The following NHEJ1 variants were observed in gnomAD, a reference collection of about 807,000 sequenced individuals.
The protein encoded by NHEJ1 is non-homologous end joining factor 1, also known as non-homologous end-joining factor 1.
Under a neutral mutation model 39.4 loss-of-function variants are expected in NHEJ1, and 22 were observed. The ratio of observed to expected loss-of-function variants is 0.56; its 90% CI spans 0.40 to 0.80. NHEJ1 has a LOEUF of 0.80. Ranked by LOEUF, NHEJ1 falls within the 30% of genes least tolerant of loss-of-function variation. The pLI is 0.00. For missense variants in NHEJ1, 329 were observed against 357.1 expected, an observed-to-expected ratio of 0.92 and a Z score of 0.63; for synonymous variants, 154 against 135.6, an observed-to-expected ratio of 1.14 and a Z score of -0.94.
At chr2:219,149,901 G>A (rs1949779343) in intron 3 of NHEJ1, among the ~76,000 whole-genome samples, 1 of 152,174 alleles carries the variant, frequency 6.6e-6, no homozygotes, top group African/African-American at 2.4e-5. Flanking sequence ...TGTTCCAACC[G>A]AGCTTTACAA....
At chr2:219,080,663 A>AT in intron 5 of NHEJ1, among the ~76,000 whole-genome samples, 1 of 81,030 alleles carries the variant, frequency 1.2e-5, no homozygotes, top group Admixed American at 1.1e-4. Context: ...TAATATATAT[A>AT]AGCTTTTATA....
intron 5 of NHEJ1, among the ~76,000 whole-genome samples, chr2:219,121,770 G>A (rs886718219): frequency 6.6e-6 from 1 of 151,382 alleles, no homozygotes; most frequent in African/African-American, 2.4e-5. Context: ...AGGCTGCAGT[G>A]AGCCCTGATT....
chr2:219,152,933 G>C (rs1402375655), intron 3 of NHEJ1, among the ~76,000 whole-genome samples: 2 of 151,954 alleles, frequency 1.3e-5, no homozygotes, highest in African/African-American at 4.8e-5. Context: ...CTCCTGAGCA[G>C]CTGAGATTAC....
chr2:219,076,137 T>A lies in NHEJ1; in HGVS notation c.*244A>T. On this transcript the variant is annotated 3_prime_UTR_variant, in exon 8 of 8. Coordinates refer to ENST00000356853, the MANE Select transcript of NHEJ1 (RefSeq NM_024782.3). ...ATACCTAAAGTCCATGGTAGAAACCTGAACCTACAGAACCTCCACCAAAAG... is the reference window on the plus strand; with the variant it reads ...ATACCTAAAGTCCATGGTAGAAACCAGAACCTACAGAACCTCCACCAAAAG... 1.3e-6 allele frequency: 1 copy of A among 786,004 alleles called. No homozygotes were observed. Among genetic ancestry groups the A allele is most frequent in the South Asian group, 1.9e-5 (1 of 52,586 alleles). 48.7% of individuals were successfully genotyped at this position (786,004 alleles called of 1,614,324 possible).
chr2:219,075,327 T>G lies in NHEJ1; in HGVS notation c.*1054A>C. 1 of 152,226 alleles carries G rather than the reference T, an allele frequency of 6.6e-6. No homozygotes were observed. Among genetic ancestry groups the G allele is most frequent in the East Asian group, 1.9e-4 (1 of 5,202 alleles). The allele number at this position is 152,226 out of a possible 1,614,324, so 9.4% of individuals were successfully genotyped here. A position where few individuals can be genotyped will look rare whatever the true frequency, so the allele number is the denominator to read the frequency against. Reference sequence around the variant, plus strand: ...AATAAATGTTAGCTATTTATTATTGTTGTTCTTATTATAATTATTTTATTA... The same window carrying G: ...AATAAATGTTAGCTATTTATTATTGGTGTTCTTATTATAATTATTTTATTA... On this transcript the variant is annotated 3_prime_UTR_variant, in exon 8 of 8. Transcript: ENST00000356853.
At chr2:219,142,600 T>C (rs1019000984) in intron 5 of NHEJ1, among the ~76,000 whole-genome samples, 16 of 152,222 alleles carry the variant, frequency 1.1e-4, no homozygotes, top group Admixed American at 9.8e-4. Flanking sequence ...GAGCGAGGCA[T>C]GGACAGGGCC....
chr2:219,139,761 C>T (rs1444011608), intron 5 of NHEJ1, among the ~76,000 whole-genome samples: 1 of 152,140 alleles, frequency 6.6e-6, no homozygotes, highest in African/African-American at 2.4e-5. Context: ...ACTGCAAGCT[C>T]TGAGACCTCC....
chr2:219,089,101 G>A (rs1243760523), intron 5 of NHEJ1, among the ~76,000 whole-genome samples: 1 of 152,168 alleles, frequency 6.6e-6, no homozygotes, highest in Non-Finnish European at 1.5e-5. Flanking sequence ...TTACAGGCAT[G>A]AGCCATTGCG....
intron 5 of NHEJ1, among the ~76,000 whole-genome samples, chr2:219,135,858 T>C (rs532347034): frequency 6.6e-6 from 1 of 152,278 alleles, no homozygotes; most frequent in South Asian, 2.1e-4. Context: ...GAGAGACTAA[T>C]GGTGGATTTG....
At chr2:219,146,848 T>A in intron 4 of NHEJ1, 110 bp from the exon 5 acceptor site, 1 of 842,378 alleles carries the variant, frequency 1.2e-6, no homozygotes, top group Non-Finnish European at 2.0e-6. Flanking sequence ...GGAAGGTGCA[T>A]CATGCAGAGA....
At chr2:219,128,477 A>G (rs989243158) in intron 5 of NHEJ1, among the ~76,000 whole-genome samples, 4 of 152,202 alleles carry the variant, frequency 2.6e-5, no homozygotes, top group African/African-American at 9.6e-5. Flanking sequence ...TTCTGGGTAC[A>G]ATAGATAGTG....
intron 5 of NHEJ1, among the ~76,000 whole-genome samples, chr2:219,137,168 A>G (rs1364800530): frequency 2.6e-5 from 4 of 152,046 alleles, no homozygotes; most frequent in African/African-American, 9.7e-5. Context: ...AAAACAAAAT[A>G]TAGTTGAGAA....
chr2:219,121,536 C>T (rs1238683090), intron 5 of NHEJ1, among the ~76,000 whole-genome samples: 3 of 152,004 alleles, frequency 2.0e-5, no homozygotes, highest in Admixed American at 6.6e-5. Context: ...ATCTTTCACA[C>T]GTGACATCAA....
At chr2:219,158,788 T>C (rs2106370140) in intron 1 of NHEJ1, 1 of 210,792 alleles carries the variant, frequency 4.7e-6, no homozygotes, top group South Asian at 7.6e-5. Flanking sequence ...TCTTGTCTTA[T>C]AAAACATCAT....
At chr2:219,145,287 A>G (rs991910153) in intron 5 of NHEJ1, among the ~76,000 whole-genome samples, 6 of 152,188 alleles carry the variant, frequency 3.9e-5, no homozygotes, top group African/African-American at 1.4e-4. Flanking sequence ...GGACTTAGCA[A>G]TACAAGTTTT....
At chr2:219,137,570 C>CAAAAAAAAAAAAAAAAAAAAAAAA (rs58279021) in intron 5 of NHEJ1, among the ~76,000 whole-genome samples, 1 of 34,726 alleles carries the variant, frequency 2.9e-5, no homozygotes, top group African/African-American at 8.2e-5. Flanking sequence ...GTGTTACAGG[C>CAAAAAAAAAAAAAAAAAAAAAAAA]AAAAAAAAAA....
At chr2:219,099,794 G>A (rs1486491494) in intron 5 of NHEJ1, among the ~76,000 whole-genome samples, 1 of 150,538 alleles carries the variant, frequency 6.6e-6, no homozygotes, top group Non-Finnish European at 1.5e-5. Context: ...GTCTTTAGGG[G>A]AAGGCCAGGT....
rs1293576130 is a variant in NHEJ1 at position 219,074,454 on chromosome 2, G to T, written c.*1927C>A. Among the ~76,000 whole-genome samples the T allele has an allele frequency of 1.3e-5, 2 of 152,066 alleles. No individual in the cohort carries two copies. On this transcript the variant is annotated 3_prime_UTR_variant, in exon 8 of 8. Coordinates refer to ENST00000356853, the MANE Select transcript of NHEJ1 (RefSeq NM_024782.3). ...TATCTAAATTATGCTGAAAAGAAACGAAAGATCGGCCAGGCACAGTGGCTC... is the reference window on the plus strand; with the variant it reads ...TATCTAAATTATGCTGAAAAGAAACTAAAGATCGGCCAGGCACAGTGGCTC...
At chr2:219,098,399 T>A (rs1177888879) in intron 5 of NHEJ1, among the ~76,000 whole-genome samples, 1 of 151,946 alleles carries the variant, frequency 6.6e-6, no homozygotes, top group East Asian at 1.9e-4. Flanking sequence ...GAGAGGAGAA[T>A]TACCAGAGCA....
Sources: allele counts gnomAD v4.1 joint callset (sites outside exome capture counted in the v4.1 genomes callset), GRCh38; gene constraint gnomAD v4.1.1; transcripts MANE v1.5; gene names NCBI Gene and HGNC (gene_info 2026-07-23, HGNC 2026-07-21).